CPNE4: variants seen among roughly 807,000 people sequenced by gnomAD.
CPNE4 encodes the protein copine 4, also known as copine-4.
CPNE4 carries 25 observed loss-of-function variants against 67.9 expected under a neutral mutation model. The ratio of observed to expected loss-of-function variants is 0.37; its 90% CI spans 0.27 to 0.51. CPNE4 has a LOEUF of 0.51. CPNE4 is among the 20% of genes least tolerant of loss of function. CPNE4 has a pLI of 0.93. For synonymous variants in CPNE4, 242 were observed against 244.9 expected, an observed-to-expected ratio of 0.99 and a Z score of 0.11; for missense variants, 464 against 690.8, an observed-to-expected ratio of 0.67 and a Z score of 3.68.
chr3:131,778,829 T>A (rs2083358606), intron 2 of CPNE4, among the ~76,000 whole-genome samples: 1 of 152,042 alleles, frequency 6.6e-6, no homozygotes, highest in Admixed American at 6.6e-5. Context: ...ATCCTGGAAG[T>A]CCTAGACAGA....
intron 2 of CPNE4, among the ~76,000 whole-genome samples, chr3:131,790,971 G>A (rs1560317444): frequency 2.0e-5 from 3 of 152,034 alleles, no homozygotes; most frequent in Non-Finnish European, 4.4e-5. Flanking sequence ...ATAACTCAAA[G>A]TGTTAAAGAT....
intron 1 of CPNE4, among the ~76,000 whole-genome samples, chr3:131,977,464 G>C (rs775949242): frequency 6.6e-6 from 1 of 152,034 alleles, no homozygotes; most frequent in Non-Finnish European, 1.5e-5. Flanking sequence ...AACTGAAGTT[G>C]CATCCTATGC....
intron 2 of CPNE4, among the ~76,000 whole-genome samples, chr3:131,888,694 C>T (rs1410777652): frequency 6.6e-6 from 1 of 151,998 alleles, no homozygotes; most frequent in Non-Finnish European, 1.5e-5. Context: ...ATTTCGAGTC[C>T]GTAGATTAGA....
chr3:131,738,611 G>T lies in CPNE4; in HGVS notation c.181-14986C>A, dbSNP rs143550084. Among the ~76,000 whole-genome samples the T allele has an allele frequency of 6.9e-4, 98 of 142,304 alleles. 1 individual carries two copies. The highest frequency in any genetic ancestry group is 1.0e-3 in the Non-Finnish European group (65 of 62,370). The allele number at this position is 142,304 out of a possible 152,430, so 93.4% of individuals were successfully genotyped here. On this transcript the variant is annotated intron_variant, in intron 2 of 15. Coordinates refer to ENST00000429747, the MANE Select transcript of CPNE4 (RefSeq NM_130808.3). ...CCTGATTTTAAATATGGGGTTTTTGGTTTTGTGGGTTTTTTGTTTGTTCGT... is the reference window on the plus strand; with the variant it reads ...CCTGATTTTAAATATGGGGTTTTTGTTTTTGTGGGTTTTTTGTTTGTTCGT...
intron 11 of CPNE4, among the ~76,000 whole-genome samples, chr3:131,560,579 C>A (rs1028794164): frequency 6.6e-6 from 1 of 152,050 alleles, no homozygotes; most frequent in Non-Finnish European, 1.5e-5. Flanking sequence ...GGCAACACTT[C>A]CCCGGCCATG....
chr3:131,963,783 G>T (rs1387619713), intron 1 of CPNE4, among the ~76,000 whole-genome samples: 1 of 152,198 alleles, frequency 6.6e-6, no homozygotes, highest in African/African-American at 2.4e-5. Flanking sequence ...AGAGCAGCTG[G>T]GGGAAGGAGC....
At chr3:131,558,304 G>C (rs1036323292) in intron 11 of CPNE4, among the ~76,000 whole-genome samples, 3 of 152,056 alleles carry the variant, frequency 2.0e-5, no homozygotes, top group Admixed American at 6.6e-5. Flanking sequence ...AGGCAGAGAA[G>C]AGTCTTATTA....
intron 2 of CPNE4, among the ~76,000 whole-genome samples, chr3:131,805,619 T>A (rs2107925358): frequency 6.6e-6 from 1 of 152,250 alleles, no homozygotes; most frequent in Middle Eastern, 3.4e-3. Context: ...CCCTCACATG[T>A]CTGCTGGGTG....
intron 7 of CPNE4, among the ~76,000 whole-genome samples, chr3:131,598,065 T>C (rs1938996644): frequency 6.6e-6 from 1 of 152,216 alleles, no homozygotes; most frequent in Non-Finnish European, 1.5e-5. Flanking sequence ...CTGAATAATA[T>C]GCTTTAATGG....
chr3:131,675,877 CCTT>C (rs1350377722), intron 6 of CPNE4, among the ~76,000 whole-genome samples: 4 of 151,076 alleles, frequency 2.6e-5, no homozygotes, highest in South Asian at 2.1e-4. Context: ...GTCTTCTCTT[CCTT>C]CTTCTTCTTT....
At position 131,905,384 on chromosome 3, in the gene CPNE4, G is replaced by T. The variant is rs777424494; in HGVS notation, c.60C>A (p.Ser20Arg). Residue 20 changes from serine (S) to arginine (R), a missense_variant, in exon 2 of 16, where the codon AGC becomes AGA. Physicochemically the swap from Ser to Arg is moderately radical, Grantham distance 110. Coordinates refer to ENST00000429747, the MANE Select transcript of CPNE4 (RefSeq NM_130808.3). ...GCAGCTCAACTTTGGTCAGGCAGGGGCTGTTAAAGATTCCCAGTGTGTTGG... is the reference window on the plus strand; with the variant it reads ...GCAGCTCAACTTTGGTCAGGCAGGGTCTGTTAAAGATTCCCAGTGTGTTGG... ...SAANTLGIFN[S>R]PCLTKVELRV... The T allele has an allele frequency of 6.2e-7, 1 of 1,613,518 alleles. No individual in the cohort carries two copies. The highest frequency in any genetic ancestry group is 8.5e-7 in the Non-Finnish European group (1 of 1,179,686).
At chr3:131,813,943 A>G (rs922395058) in intron 2 of CPNE4, among the ~76,000 whole-genome samples, 2 of 152,192 alleles carry the variant, frequency 1.3e-5, no homozygotes, top group African/African-American at 4.8e-5. Context: ...AGAGGTTCAG[A>G]ATGTGTTACC....
chr3:131,899,949 C>T (rs1364343015), intron 2 of CPNE4, among the ~76,000 whole-genome samples: 1 of 152,072 alleles, frequency 6.6e-6, no homozygotes, highest in Non-Finnish European at 1.5e-5. Flanking sequence ...AATTCCACAG[C>T]CCACTTCTCT....
At chr3:131,641,786 A>C (rs1326623979) in intron 7 of CPNE4, among the ~76,000 whole-genome samples, 1 of 152,208 alleles carries the variant, frequency 6.6e-6, no homozygotes, top group Non-Finnish European at 1.5e-5. Context: ...CCAGTGGATA[A>C]ATTGTGGTAT....
At chr3:131,537,631 C>A in intron 15 of CPNE4, 1 of 302,122 alleles carries the variant, frequency 3.3e-6, no homozygotes, top group South Asian at 3.0e-5. Flanking sequence ...ATCCCTTTGC[C>A]ATTGTAATAG....
intron 7 of CPNE4, among the ~76,000 whole-genome samples, chr3:131,595,465 G>C (rs530269323): frequency 6.6e-6 from 1 of 152,284 alleles, no homozygotes; most frequent in South Asian, 2.1e-4. Context: ...ACTTGAGCCT[G>C]GGTAATTTAC....
At chr3:131,944,870 C>T (rs1328063175) in intron 1 of CPNE4, among the ~76,000 whole-genome samples, 2 of 152,018 alleles carry the variant, frequency 1.3e-5, no homozygotes, top group Non-Finnish European at 2.9e-5. Flanking sequence ...GGAAAGTCAG[C>T]CATGAGGAAA....
intron 2 of CPNE4, among the ~76,000 whole-genome samples, chr3:131,838,639 G>T (rs2085649218): frequency 6.6e-6 from 1 of 151,338 alleles, no homozygotes; most frequent in Non-Finnish European, 1.5e-5. Flanking sequence ...ATCTGACAGA[G>T]AGAAAAACCT....
chr3:131,754,323 A>G (rs1177609909), intron 2 of CPNE4, among the ~76,000 whole-genome samples: 1 of 152,178 alleles, frequency 6.6e-6, no homozygotes, highest in Admixed American at 6.5e-5. Flanking sequence ...GAATAGGAAT[A>G]TATATTGAAA....
Sources: gnomAD v4.1 joint callset for allele counts (sites outside exome capture counted in the v4.1 genomes callset) on GRCh38, gnomAD v4.1.1 for gene constraint, MANE v1.5 for transcripts, NCBI Gene and HGNC (gene_info 2026-07-23, HGNC 2026-07-21) for gene names.